The following CARMIL1 variants were observed in gnomAD, a reference collection of about 807,000 sequenced individuals.
The protein encoded by CARMIL1 is F-actin-uncapping protein LRRC16A.
Under a neutral mutation model 177.1 loss-of-function variants are expected in CARMIL1, and 90 were observed. The ratio of observed to expected loss-of-function variants is 0.51; its 90% CI spans 0.43 to 0.61. The LOEUF is 0.61. CARMIL1 is among the 20% of genes least tolerant of loss of function. The pLI is 0.00. For synonymous variants in CARMIL1, 577 were observed against 606.2 expected (o/e 0.95, Z 0.71); for missense variants, 1,380 against 1,667.0 (o/e 0.83, Z 3.00).
intron 2 of CARMIL1, among the ~76,000 whole-genome samples, chr6:25,367,208 G>T (rs1186863441): frequency 6.6e-6 from 1 of 152,118 alleles, no homozygotes; most frequent in Non-Finnish European, 1.5e-5. Context: ...GTGGAAGGGG[G>T]ATCTGTGATG....
chr6:25,289,698 TA>T (rs1423114014), intron 2 of CARMIL1, among the ~76,000 whole-genome samples: 1 of 152,264 alleles, frequency 6.6e-6, no homozygotes, highest in Non-Finnish European at 1.5e-5. Flanking sequence ...ACTCATACAG[TA>T]TCCCCTTTTT....
chr6:25,577,641 T>G lies in CARMIL1; in HGVS notation c.2743-3283T>G, dbSNP rs1163229777. Among the ~76,000 whole-genome samples the G allele has an allele frequency of 4.6e-5, 7 of 152,158 alleles. No homozygotes were observed. Among genetic ancestry groups the G allele is most frequent in the Admixed American group, 3.9e-4 (6 of 15,278 alleles). ...AAAAAGTATGTCTAGGAATTACATG[T>G]TAAAAGTGGGTTTGACAGGAAAAAA... On this transcript the variant is annotated intron_variant, in intron 29 of 36. Coordinates refer to ENST00000329474, the MANE Select transcript of CARMIL1 (RefSeq NM_017640.6). The surrounding 1 kb of genome is among the most constrained non-coding windows in gnomAD (Gnocchi z 4.5).
intron 31 of CARMIL1, among the ~76,000 whole-genome samples, chr6:25,589,352 A>G (rs148048056): frequency 1.2e-4 from 18 of 152,156 alleles, no homozygotes; most frequent in African/African-American, 3.9e-4. Context: ...TTAATTCTTC[A>G]GCTCTTTCGA....
chr6:25,360,256 A>G (rs534800254), intron 2 of CARMIL1, among the ~76,000 whole-genome samples: 1 of 152,338 alleles, frequency 6.6e-6, no homozygotes, highest in South Asian at 2.1e-4. Context: ...AATTTAGAAA[A>G]ATCACTATTT....
At chr6:25,369,379 G>GTTTTTTTT (rs5875032) in intron 2 of CARMIL1, among the ~76,000 whole-genome samples, 2 of 140,852 alleles carry the variant, frequency 1.4e-5, no homozygotes. Context: ...GCTGTATTTT[G>GTTTTTTTT]TTTTTTTTTT....
intron 21 of CARMIL1, 63 bp from the exon 22 acceptor site, chr6:25,517,284 A>G: frequency 1.6e-6 from 2 of 1,259,926 alleles, no homozygotes; most frequent in South Asian, 2.4e-5. Flanking sequence ...AGAGGTTTAT[A>G]TTCAATGTGA....
chr6:25,285,892 G>A (rs1781480407), intron 2 of CARMIL1, among the ~76,000 whole-genome samples: 1 of 151,902 alleles, frequency 6.6e-6, no homozygotes, highest in East Asian at 1.9e-4. Flanking sequence ...GTCTTTTTGA[G>A]ACAGGATTTC....
rs1432812187 is a variant in CARMIL1 at position 25,279,448 on chromosome 6, C to A, written c.-348C>A. The A allele has an allele frequency of 4.9e-6, 2 of 408,570 alleles. No homozygotes were observed. Among genetic ancestry groups the A allele is most frequent in the East Asian group, 5.3e-5 (1 of 18,714 alleles). 25.3% of individuals were successfully genotyped at this position (408,570 alleles called of 1,614,324 possible). ...GAGGCTGGGCGGGAGCTACGCCGGC[C>A]CAAGCCCCGCCGGGGACCAGCGAGC... On this transcript the variant is annotated 5_prime_UTR_variant, in exon 1 of 37. Coordinates refer to ENST00000329474, the MANE Select transcript of CARMIL1 (RefSeq NM_017640.6).
intron 12 of CARMIL1, 96 bp downstream of exon 12, chr6:25,482,439 T>A: frequency 1.7e-6 from 1 of 581,126 alleles, no homozygotes; most frequent in Non-Finnish European, 3.0e-6. Flanking sequence ...AAAAATACAT[T>A]AAAAAAATAC....
At chr6:25,531,313 AT>A (rs1807741533) in intron 24 of CARMIL1, among the ~76,000 whole-genome samples, 1 of 87,146 alleles carries the variant, frequency 1.1e-5, no homozygotes, top group South Asian at 5.6e-4. Flanking sequence ...ATGTTATTTA[AT>A]TTTTTGTTGC....
At chr6:25,550,610 A>G (rs1809989248) in intron 26 of CARMIL1, among the ~76,000 whole-genome samples, 1 of 152,106 alleles carries the variant, frequency 6.6e-6, no homozygotes, top group Admixed American at 6.6e-5. Context: ...GCATTTTTTA[A>G]TCTTCTCGTT....
Position 25,577,223 on chromosome 6 carries a change from A to C in CARMIL1, c.2743-3701A>C. On this transcript the variant is annotated intron_variant, in intron 29 of 36. Transcript: ENST00000329474. The surrounding 1 kb of genome is among the most constrained non-coding windows in gnomAD (Gnocchi z 4.5). ...AAAATATCTCCAGCCATGTGCCTGA[A>C]AGCAAGCAGAGTGTTGATGAAGAGG... 1.6e-6 allele frequency: 1 copy of C among 623,518 alleles called. No individual in the cohort carries two copies. Among genetic ancestry groups the C allele is most frequent in the African/African-American group, 2.0e-5 (1 of 50,182 alleles). The allele number at this position is 623,518 out of a possible 1,614,324, so 38.6% of individuals were successfully genotyped here.
At chr6:25,541,889 G>C (rs1408920554) in intron 26 of CARMIL1, among the ~76,000 whole-genome samples, 1 of 152,152 alleles carries the variant, frequency 6.6e-6, no homozygotes, top group African/African-American at 2.4e-5. Context: ...CCTGACGTCA[G>C]CTCAAGTGAT....
At chr6:25,308,959 G>C (rs1273420260) in intron 2 of CARMIL1, among the ~76,000 whole-genome samples, 1 of 152,154 alleles carries the variant, frequency 6.6e-6, no homozygotes, top group African/African-American at 2.4e-5. Context: ...TATGAGCCTT[G>C]TGCTAGAAGC....
At chr6:25,608,670 A>G (rs981935724) in intron 35 of CARMIL1, among the ~76,000 whole-genome samples, 3 of 152,216 alleles carry the variant, frequency 2.0e-5, no homozygotes, top group Admixed American at 6.5e-5. Context: ...CAAATACACC[A>G]TCTCATTTCC....
chr6:25,595,213 A>G (rs12201154), intron 32 of CARMIL1, among the ~76,000 whole-genome samples: 1,741 of 152,344 alleles, frequency 0.011, 20 homozygotes, highest in Non-Finnish European at 0.018. Flanking sequence ...ATCCTCAACT[A>G]AATACAAATC....
chr6:25,581,460 G>T (rs1198414677), intron 31 of CARMIL1, 21 bp downstream of exon 31: 2 of 1,585,936 alleles, frequency 1.3e-6, no homozygotes, highest in Non-Finnish European at 1.7e-6. Flanking sequence ...TGCAGGAGAG[G>T]CCCCATCTCT....
intron 13 of CARMIL1, among the ~76,000 whole-genome samples, chr6:25,489,188 A>G (rs1190896553): frequency 6.6e-6 from 1 of 150,740 alleles, no homozygotes; most frequent in Non-Finnish European, 1.5e-5. Flanking sequence ...AACAACAACA[A>G]CAAAAACCCA....
At chr6:25,587,346 G>A (rs1813858314) in intron 31 of CARMIL1, among the ~76,000 whole-genome samples, 1 of 152,142 alleles carries the variant, frequency 6.6e-6, no homozygotes. Context: ...AGTAGTAAGA[G>A]CAGGATGCTA....
Sources: allele counts gnomAD v4.1 joint callset (sites outside exome capture counted in the v4.1 genomes callset), GRCh38; gene constraint gnomAD v4.1.1; non-coding constraint Gnocchi (gnomAD v3.1); transcripts MANE v1.5; gene names NCBI Gene and HGNC (gene_info 2026-07-23, HGNC 2026-07-21).